MMP16: variants seen among roughly 807,000 people sequenced by gnomAD.
MMP16 encodes matrix metallopeptidase 16.
A neutral mutation model predicts 67.8 loss-of-function variants in MMP16; 12 were observed. That is an observed-to-expected ratio of 0.18 (90% CI 0.11 to 0.29). The LOEUF is 0.29. MMP16 is among the 10% of genes least tolerant of loss of function. The pLI is 1.00. For missense variants in MMP16, 475 were observed against 765.7 expected (o/e 0.62, Z 4.48); for synonymous variants, 249 against 255.9 (o/e 0.97, Z 0.26).
intron 4 of MMP16, among the ~76,000 whole-genome samples, chr8:88,159,947 GT>G (rs772609443): frequency 1.9e-4 from 27 of 145,776 alleles, no homozygotes; most frequent in Middle Eastern, 3.5e-3. Flanking sequence ...TTGATTTGTT[GT>G]TTTTTTTTCA....
rs564892594 is a variant in MMP16, at chr8:88,072,029, T to G, written c.1222+2576A>C. 2.0e-5 allele frequency among the ~76,000 whole-genome samples: 3 copies of G among 152,126 alleles called. No individual in the cohort carries two copies. The South Asian group carries it at 6.2e-4, about 32-fold the overall frequency. ...CTAGTGGGAAGGATACAGATAACAATTAAAATATATGGTTTGTCAGATGGT... is the reference window on the plus strand; with the variant it reads ...CTAGTGGGAAGGATACAGATAACAAGTAAAATATATGGTTTGTCAGATGGT... On this transcript the variant is annotated intron_variant, in intron 7 of 9. Coordinates refer to ENST00000286614, the MANE Select transcript of MMP16 (RefSeq NM_005941.5).
chr8:88,069,549 C>T (rs762809569), intron 7 of MMP16: 5 of 490,872 alleles, frequency 1.0e-5, no homozygotes, highest in Non-Finnish European at 2.0e-5. Flanking sequence ...TGTTTACTGT[C>T]CAGTATGATG....
rs575421799 is a variant in MMP16 at position 88,234,862 on chromosome 8, A to G, written c.133-37556T>C. On this transcript the variant is annotated intron_variant, in intron 1 of 9. Coordinates refer to ENST00000286614, the MANE Select transcript of MMP16 (RefSeq NM_005941.5). ...ATGTCTTTCAGAAAGTAACATAATA[A>G]TAAGTTTACAACATTACCCAAGTTA... Among the ~76,000 whole-genome samples, 5 of 152,344 alleles carry G rather than the reference A, an allele frequency of 3.3e-5. 1 individual carries two copies. In the Middle Eastern group the frequency reaches 0.017, roughly 518 times the overall value.
chr8:88,137,357 T>C (rs563671877), intron 4 of MMP16, among the ~76,000 whole-genome samples: 2 of 152,120 alleles, frequency 1.3e-5, no homozygotes, highest in East Asian at 3.9e-4. Context: ...GAATTTTGGA[T>C]AAGGAATACC....
At chr8:88,227,599 A>T (rs1314093209) in intron 1 of MMP16, among the ~76,000 whole-genome samples, 2 of 152,058 alleles carry the variant, frequency 1.3e-5, no homozygotes, top group African/African-American at 4.8e-5. Context: ...ATTATGAATC[A>T]GCATCTGAAT....
At chr8:88,289,915 C>T (rs1810896021) in intron 1 of MMP16, among the ~76,000 whole-genome samples, 2 of 152,112 alleles carry the variant, frequency 1.3e-5, no homozygotes. Context: ...GCTTCCCTCA[C>T]TACCCTGCAC....
intron 6 of MMP16, among the ~76,000 whole-genome samples, chr8:88,106,793 T>G (rs2118397713): frequency 6.6e-6 from 1 of 151,374 alleles, no homozygotes; most frequent in South Asian, 2.1e-4. Context: ...GTGTATTTTC[T>G]TTTTTTCATT....
At chr8:88,260,156 C>T (rs1810364331) in intron 1 of MMP16, among the ~76,000 whole-genome samples, 1 of 152,142 alleles carries the variant, frequency 6.6e-6, no homozygotes, top group South Asian at 2.1e-4. Flanking sequence ...TATACTTCTT[C>T]TTCCAGCATT....
chr8:88,101,100 G>A (rs1224624960), intron 6 of MMP16, among the ~76,000 whole-genome samples: 4 of 151,722 alleles, frequency 2.6e-5, no homozygotes, highest in Non-Finnish European at 5.9e-5. Flanking sequence ...TTGTGCACAT[G>A]TACCCTAGAA....
chr8:88,077,560 A>G (rs1330799469), intron 6 of MMP16, among the ~76,000 whole-genome samples: 2 of 152,312 alleles, frequency 1.3e-5, no homozygotes, highest in East Asian at 3.9e-4. Context: ...CACTAAATAT[A>G]TAAGCTCTCT....
At chr8:88,173,252 A>G (rs1464975517) in intron 3 of MMP16, among the ~76,000 whole-genome samples, 3 of 152,060 alleles carry the variant, frequency 2.0e-5, no homozygotes, top group Non-Finnish European at 4.4e-5. Flanking sequence ...GGGTTTTGCC[A>G]TGTTGCCCAG....
chr8:88,198,667 C>T lies in MMP16; in HGVS notation c.133-1361G>A, dbSNP rs528496197. Reference sequence around the variant, plus strand: ...TTTTCATGGTATTTCCAAAAACTGACCACCTCAAAAGAACAGTACCATAAG... The same window carrying T: ...TTTTCATGGTATTTCCAAAAACTGATCACCTCAAAAGAACAGTACCATAAG... On this transcript the variant is annotated intron_variant, in intron 1 of 9. Transcript: ENST00000286614. Among the ~76,000 whole-genome samples the T allele has an allele frequency of 1.8e-4, 27 of 151,912 alleles. 1 individual carries two copies. The South Asian group carries it at 5.4e-3, about 30-fold the overall frequency.
intron 1 of MMP16, among the ~76,000 whole-genome samples, chr8:88,283,343 C>T (rs1269491559): frequency 6.6e-6 from 1 of 152,140 alleles, no homozygotes; most frequent in African/African-American, 2.4e-5. Context: ...GTCAGGCAGA[C>T]CATGCTTCTG....
At chr8:88,184,353 G>A (rs1458310237) in intron 3 of MMP16, among the ~76,000 whole-genome samples, 2 of 151,832 alleles carry the variant, frequency 1.3e-5, no homozygotes, top group African/African-American at 4.8e-5. Context: ...CTAATCGGCA[G>A]TATATTTTAG....
At chr8:88,116,441 T>C (rs1809435533) in intron 6 of MMP16, 66 bp downstream of exon 6, 2 of 1,388,898 alleles carry the variant, frequency 1.4e-6, no homozygotes, top group African/African-American at 1.4e-5. Context: ...GAATGAGAAC[T>C]TGTTTTCTAA....
Position 88,211,407 on chromosome 8 carries a change from C to T in MMP16, c.133-14101G>A, listed in dbSNP as rs371962714. Among the ~76,000 whole-genome samples, 20 of 152,118 alleles carry T rather than the reference C, an allele frequency of 1.3e-4. No individual in the cohort carries two copies. In the East Asian group the frequency reaches 3.7e-3, roughly 28 times the overall value. ...GGGCAGAATGCTAGATCCTAGGATA[C>T]AAAAGTAAAAAGTAAGGTATTTGTT... On this transcript the variant is annotated intron_variant, in intron 1 of 9. Transcript: ENST00000286614.
At chr8:88,293,401 CTCTA>C (rs1810956784) in intron 1 of MMP16, among the ~76,000 whole-genome samples, 1 of 152,004 alleles carries the variant, frequency 6.6e-6, no homozygotes, top group South Asian at 2.1e-4. Context: ...GTAAGTGGGC[CTCTA>C]TCTAATTAAA....
chr8:88,141,919 G>GTTT (rs200516354), intron 4 of MMP16, among the ~76,000 whole-genome samples: 1 of 145,150 alleles, frequency 6.9e-6, no homozygotes, highest in Non-Finnish European at 1.5e-5. Flanking sequence ...ACATAAATAT[G>GTTT]TTTTTTTTTT....
chr8:88,325,937 T>A (rs1811530113), intron 1 of MMP16, among the ~76,000 whole-genome samples: 1 of 152,222 alleles, frequency 6.6e-6, no homozygotes, highest in Non-Finnish European at 1.5e-5. Context: ...ACTCTGTGTA[T>A]CAATTGGTTA....
Sources: allele counts gnomAD v4.1 joint callset (sites outside exome capture counted in the v4.1 genomes callset), GRCh38; gene constraint gnomAD v4.1.1; transcripts MANE v1.5; gene names NCBI Gene and HGNC (gene_info 2026-07-23, HGNC 2026-07-21).